APOBEC3D: variants seen among roughly 807,000 people sequenced by gnomAD.
APOBEC3D encodes DNA dC->dU-editing enzyme APOBEC-3D.
Under a neutral mutation model 45.6 loss-of-function variants are expected in APOBEC3D, and 37 were observed. The observed-to-expected ratio is 0.81, with a 90% CI of 0.62 to 1.07. The LOEUF is 1.07. Among genes scored for constraint, APOBEC3D ranks in the 50% least tolerant of loss-of-function variants. APOBEC3D has a pLI of 0.00. For synonymous variants in APOBEC3D, 175 were observed against 180.7 expected (o/e 0.97, Z 0.25); for missense variants, 496 against 495.3 (o/e 1.00, Z -0.01).
At chr22:39,023,105 T>TTTTATTTATTTATTTA (rs1274802365) in intron 2 of APOBEC3D, 91 bp downstream of exon 2, 4 of 801,236 alleles carry the variant, frequency 5.0e-6, no homozygotes, top group Non-Finnish European at 6.4e-6. Context: ...TATTTATTTT[T>TTTTATTTATTTATTTA]TCTATTTATT....
At chr22:39,026,822 G>C (rs533420004) in intron 4 of APOBEC3D, among the ~76,000 whole-genome samples, 27 of 151,576 alleles carry the variant, frequency 1.8e-4, no homozygotes, top group African/African-American at 5.8e-4. Flanking sequence ...GTGCGATCTC[G>C]GCTCACTGCA....
chr22:39,032,491 C>T lies in APOBEC3D; in HGVS notation c.*175C>T. ...ACCACCTCCTCCCCGCTCTCCCAGG[C>T]TCTTCTTGTAGAGGCTCTCCATCCA... On this transcript the variant is annotated 3_prime_UTR_variant, in exon 7 of 7. Coordinates refer to ENST00000216099, the MANE Select transcript of APOBEC3D (RefSeq NM_152426.4). 2 of 1,412,528 alleles carry T rather than the reference C, an allele frequency of 1.4e-6. No individual in the cohort carries two copies. Among genetic ancestry groups the T allele is most frequent in the Non-Finnish European group, 1.8e-6 (2 of 1,087,572 alleles). The allele number at this position is 1,412,528 out of a possible 1,614,324, so 87.5% of individuals were successfully genotyped here.
intron 5 of APOBEC3D, among the ~76,000 whole-genome samples, chr22:39,030,555 TAA>T (rs1926109127): frequency 6.6e-6 from 1 of 152,142 alleles, no homozygotes; most frequent in Non-Finnish European, 1.5e-5. Flanking sequence ...ATGAGAGAGT[TAA>T]AGTTTGTCTA....
chr22:39,032,066 G>A lies in APOBEC3D; in HGVS notation c.1042+93G>A, dbSNP rs1001224052. On this transcript the variant is annotated intron_variant, in intron 6 of 6. Transcript: ENST00000216099. ...TGCCGTGGGGCGGGGCAGTGTCCCC[G>A]GGAAGCCTGCAGGGATGGGGCCGGC... 14 of 1,588,806 alleles carry A rather than the reference G, an allele frequency of 8.8e-6. No homozygotes were observed. In the African/African-American group the frequency reaches 1.2e-4, roughly 14 times the overall value.
At chr22:39,024,335 A>G (rs1925418491) in intron 2 of APOBEC3D, among the ~76,000 whole-genome samples, 2 of 152,318 alleles carry the variant, frequency 1.3e-5, no homozygotes, top group South Asian at 4.1e-4. Flanking sequence ...CCCAGTGGGG[A>G]ACAAGGCGGA....
Position 39,029,350 on chromosome 22 carries a change from C to G in APOBEC3D, c.606-13C>G. 6.2e-7 allele frequency: 1 copy of G among 1,613,964 alleles called. No homozygotes were observed. The highest frequency in any genetic ancestry group is 8.5e-7 in the Non-Finnish European group (1 of 1,179,890). On this transcript the variant is annotated splice_polypyrimidine_tract_variant and intron_variant, in intron 4 of 6. Transcript: ENST00000216099. Reference sequence around the variant, plus strand: ...GGAATCTCTGCACTGGGGTTTCTCTCTTGTGCCCTCAGAAACCCGATGGAG... The same window carrying G: ...GGAATCTCTGCACTGGGGTTTCTCTGTTGTGCCCTCAGAAACCCGATGGAG...
Position 39,032,480 on chromosome 22 carries a change from G to C in APOBEC3D, c.*164G>C, listed in dbSNP as rs1247515058. On this transcript the variant is annotated 3_prime_UTR_variant, in exon 7 of 7. Coordinates refer to ENST00000216099, the MANE Select transcript of APOBEC3D (RefSeq NM_152426.4). ...CCCCCTGCCTCACCACCTCCTCCCC[G>C]CTCTCCCAGGCTCTTCTTGTAGAGG... 7.1e-7 allele frequency: 1 copy of C among 1,417,200 alleles called. No individual in the cohort carries two copies. The highest frequency in any genetic ancestry group is 9.2e-7 in the Non-Finnish European group (1 of 1,090,344). 87.8% of individuals were successfully genotyped at this position (1,417,200 alleles called of 1,614,324 possible). A position where few individuals can be genotyped will look rare whatever the true frequency, so the allele number is the denominator to read the frequency against.
rs888218137 is a variant in APOBEC3D, at chr22:39,032,717, T to TGA, written c.*403_*404dup. 14 of 589,106 alleles carry TGA rather than the reference T, an allele frequency of 2.4e-5. No individual in the cohort carries two copies. The highest frequency in any genetic ancestry group is 3.0e-5 in the Non-Finnish European group (14 of 467,732). 36.5% of individuals were successfully genotyped at this position (589,106 alleles called of 1,614,324 possible). A position where few individuals can be genotyped will look rare whatever the true frequency, so the allele number is the denominator to read the frequency against. On this transcript the variant is annotated 3_prime_UTR_variant, in exon 7 of 7. Coordinates refer to ENST00000216099, the MANE Select transcript of APOBEC3D (RefSeq NM_152426.4). ...CAAGTGATTCTCCTGTCTCAGCTTC[T>TGA]GAGTAGCTGGGATTACAGATGCCTG...
Position 39,032,584 on chromosome 22 carries a change from C to A in APOBEC3D, c.*268C>A. The A allele has an allele frequency of 5.5e-6, 6 of 1,089,500 alleles. No homozygotes were observed. Among genetic ancestry groups the A allele is most frequent in the Non-Finnish European group, 5.6e-6 (5 of 895,052 alleles). 67.5% of individuals were successfully genotyped at this position (1,089,500 alleles called of 1,614,324 possible). On this transcript the variant is annotated 3_prime_UTR_variant, in exon 7 of 7. Coordinates refer to ENST00000216099, the MANE Select transcript of APOBEC3D (RefSeq NM_152426.4). ...ACTCTTCCCATCTCCCCAGCATAACCAAATCTTTTTTTTTTTTTTTTTTTT... is the reference window on the plus strand; with the variant it reads ...ACTCTTCCCATCTCCCCAGCATAACAAAATCTTTTTTTTTTTTTTTTTTTT...
intron 1 of APOBEC3D, among the ~76,000 whole-genome samples, chr22:39,022,147 T>C (rs927419572): frequency 2.6e-4 from 40 of 152,236 alleles, no homozygotes; most frequent in African/African-American, 9.6e-4. Flanking sequence ...GAAATGCTCT[T>C]ATTTTAAATT....
intron 4 of APOBEC3D, among the ~76,000 whole-genome samples, chr22:39,026,658 A>G (rs924947782): frequency 1.3e-5 from 2 of 152,120 alleles, no homozygotes; most frequent in African/African-American, 2.4e-5. Context: ...CCTCCGGCTC[A>G]CGCCTGTCCC....
At chr22:39,031,084 T>C (rs1926169539) in intron 5 of APOBEC3D, among the ~76,000 whole-genome samples, 1 of 152,044 alleles carries the variant, frequency 6.6e-6, no homozygotes, top group Non-Finnish European at 1.5e-5. Context: ...GAGAATCGCT[T>C]GAACCCAAGG....
At position 39,029,431 on chromosome 22, in the gene APOBEC3D, G is replaced by A. The variant is rs762648654; in HGVS notation, c.674G>A (p.Gly225Asp). 3.7e-6 allele frequency: 6 copies of A among 1,614,050 alleles called. No individual in the cohort carries two copies. Among genetic ancestry groups the A allele is most frequent in the Non-Finnish European group, 5.1e-6 (6 of 1,180,044 alleles). Residue 225 changes from glycine (G) to aspartate (D), a missense_variant, in exon 5 of 7, where the codon GGT becomes GAT. Coordinates refer to ENST00000216099, the MANE Select transcript of APOBEC3D (RefSeq NM_152426.4). ...TTTAAAAACCTACTGAAAGCCTGTG[G>A]TCGGAACGAAAGCTGGCTGTGCTTC... ...FHFKNLLKAC[G>D]RNESWLCFTM...
chr22:39,022,259 C>A (rs2146316040), intron 1 of APOBEC3D, among the ~76,000 whole-genome samples: 1 of 152,342 alleles, frequency 6.6e-6, no homozygotes, highest in East Asian at 1.9e-4. Flanking sequence ...CTCCAACTGT[C>A]CCCAGCTCTG....
chr22:39,025,413 G>A, intron 3 of APOBEC3D, 64 bp downstream of exon 3: 1 of 1,612,556 alleles, frequency 6.2e-7, no homozygotes, highest in Non-Finnish European at 8.5e-7. Flanking sequence ...GGATGGATCT[G>A]CAATGCCATG....
At chr22:39,026,792 G>C (rs965893964) in intron 4 of APOBEC3D, among the ~76,000 whole-genome samples, 2 of 149,590 alleles carry the variant, frequency 1.3e-5, no homozygotes, top group Admixed American at 1.3e-4. Context: ...TCCCTCTGTT[G>C]CCCAGGCTGG....
chr22:39,029,889 G>C (rs1267865062), intron 5 of APOBEC3D, among the ~76,000 whole-genome samples: 1 of 152,216 alleles, frequency 6.6e-6, no homozygotes, highest in African/African-American at 2.4e-5. Flanking sequence ...AGGATTACAG[G>C]CATGAGCCAC....
intron 1 of APOBEC3D, among the ~76,000 whole-genome samples, chr22:39,021,981 A>T (rs1458239584): frequency 1.3e-5 from 2 of 152,144 alleles, no homozygotes; most frequent in African/African-American, 4.8e-5. Context: ...GGGTGTGGGG[A>T]GGGAATGGTC....
At chr22:39,026,033 C>T (rs570992996) in intron 4 of APOBEC3D, among the ~76,000 whole-genome samples, 4 of 152,348 alleles carry the variant, frequency 2.6e-5, no homozygotes, top group East Asian at 1.9e-4. Context: ...GCCCGACAGT[C>T]GGAAGCTTTG....
Sources: gnomAD v4.1 joint callset for allele counts (sites outside exome capture counted in the v4.1 genomes callset) on GRCh38, gnomAD v4.1.1 for gene constraint, MANE v1.5 for transcripts, NCBI Gene and HGNC (gene_info 2026-07-23, HGNC 2026-07-21) for gene names.